Variants in CFAP46 observed in about 807,000 individuals in gnomAD.
CFAP46 encodes cilia and flagella associated protein 46, also known as cilia- and flagella-associated protein 46.
Under a neutral mutation model 325.7 loss-of-function variants are expected in CFAP46, and 245 were observed. The ratio of observed to expected loss-of-function variants is 0.75; its 90% CI spans 0.68 to 0.84. The LOEUF (loss-of-function observed/expected upper bound fraction) is 0.84. Among genes scored for constraint, CFAP46 ranks in the 40% least tolerant of loss-of-function variants. CFAP46 has a pLI of 0.00. For synonymous variants in CFAP46, 1,523 were observed against 1,495.9 expected (o/e 1.02, Z -0.42); for missense variants, 3,346 against 3,543.0 (o/e 0.94, Z 1.41).
At chr10:132,859,787 C>A (rs147013790) in intron 37 of CFAP46, among the ~76,000 whole-genome samples, 1 of 152,228 alleles carries the variant, frequency 6.6e-6, no homozygotes, top group African/African-American at 2.4e-5. Context: ...GGTCTGTAAA[C>A]CAAAGCCAGC....
intron 8 of CFAP46, among the ~76,000 whole-genome samples, chr10:132,931,057 C>G (rs1849891857): frequency 9.0e-6 from 1 of 110,724 alleles, no homozygotes; most frequent in African/African-American, 3.6e-5. Flanking sequence ...CACACAGAGC[C>G]TGGGCCTCCC....
In CFAP46 at chr10:132,844,677, C is replaced by T. The variant is rs573414355; in HGVS notation, c.6438+1380G>A. The stretch of plus-strand genomic sequence containing the variant: ...TCCTGGCCCTGCACTCAGTCCTGCA[C>T]ACACACTGGTGTCCTTGGTCCCCAA... On this transcript the variant is annotated intron_variant, in intron 44 of 57. Coordinates refer to ENST00000368586, the MANE Select transcript of CFAP46 (RefSeq NM_001200049.3). Among the ~76,000 whole-genome samples, 402 of 152,292 alleles carry T rather than the reference C, an allele frequency of 2.6e-3. 1 individual carries two copies. The highest frequency in any genetic ancestry group is 0.01 in the Middle Eastern group (3 of 294).
At chr10:132,913,374 CGGGTGGG>C (rs2135555542) in intron 17 of CFAP46, 116 bp from the exon 18 acceptor site, 13 of 309,808 alleles carry the variant, frequency 4.2e-5, no homozygotes, top group Admixed American at 8.3e-5. Context: ...GTGGGAGGGG[CGGGTGGG>C]CGGCGACCAA....
Position 132,827,923 on chromosome 10 carries a change from A to G in CFAP46, c.7117+5435T>C, listed in dbSNP as rs1283190648. Among the ~76,000 whole-genome samples, 1 of 151,324 alleles carries G rather than the reference A, an allele frequency of 6.6e-6. No individual in the cohort carries two copies. Among genetic ancestry groups the G allele is most frequent in the Non-Finnish European group, 1.5e-5 (1 of 67,926 alleles). ...TCCCTCAGCGTAATCCTTCTGAGTG[A>G]GCCCCGTCACCCCTCGGCGTAATCC... On this transcript the variant is annotated intron_variant, in intron 50 of 57. Transcript: ENST00000368586. The surrounding 1 kb of genome is among the most constrained non-coding windows in gnomAD (Gnocchi z 5.7).
At chr10:132,894,823 T>G (rs1277241464) in intron 24 of CFAP46, among the ~76,000 whole-genome samples, 2 of 152,110 alleles carry the variant, frequency 1.3e-5, no homozygotes, top group Non-Finnish European at 2.9e-5. Flanking sequence ...ATCAAAAGCC[T>G]CTTAATAAAG....
At chr10:132,921,983 G>C in intron 13 of CFAP46, 121 bp downstream of exon 13, 1 of 1,254,514 alleles carries the variant, frequency 8.0e-7, no homozygotes. Context: ...GCCGGTGCAA[G>C]GTCCTTGTGC....
intron 11 of CFAP46, among the ~76,000 whole-genome samples, chr10:132,924,324 C>G (rs562230351): frequency 6.6e-6 from 1 of 152,160 alleles, no homozygotes; most frequent in East Asian, 1.9e-4. Flanking sequence ...ACACACCGTG[C>G]TCCTCCCTGA....
In CFAP46 at chr10:132,922,133, A is replaced by C; in HGVS notation, c.1577T>G (p.Ile526Ser). ...GGCCTCATTCTCACTGTCCAGCACAATCTGAAACGCGTCAGGGGCTAAGGC... is the reference window on the plus strand; with the variant it reads ...GGCCTCATTCTCACTGTCCAGCACACTCTGAAACGCGTCAGGGGCTAAGGC... ...GLALAPDAFQIVLDSENEAKV... is the reference protein window; with the variant it reads ...GLALAPDAFQSVLDSENEAKV... The change falls in exon 13 of 58, where the codon ATT becomes AGT. Residue 526 changes from isoleucine to serine, a missense_variant. Physicochemically the swap from Ile to Ser is moderately radical, Grantham distance 142 (BLOSUM62 -2). Transcript: ENST00000368586. 5 of 1,550,372 alleles carry C rather than the reference A, an allele frequency of 3.2e-6. No individual in the cohort carries two copies. The highest frequency in any genetic ancestry group is 4.4e-6 in the Non-Finnish European group (5 of 1,146,942).
rs562931433 is a variant in CFAP46, at chr10:132,860,627, C to T, written c.5092-104G>A. ...GGACAGATACGGGCCTGAGGACAGG[C>T]GGGGGTAGATACGGGTGTGTCTGAG... is the stretch of plus-strand genomic sequence containing the variant. On this transcript the variant is annotated intron_variant, in intron 36 of 57. Transcript: ENST00000368586. 8 of 1,180,368 alleles carry T rather than the reference C, an allele frequency of 6.8e-6. No individual in the cohort carries two copies. In the East Asian group the frequency reaches 7.7e-5, roughly 11 times the overall value. The allele number at this position is 1,180,368 out of a possible 1,614,324, so 73.1% of individuals were successfully genotyped here. A position where few individuals can be genotyped will look rare whatever the true frequency, so the allele number is the denominator to read the frequency against.
chr10:132,854,730 A>G (rs1334581474), intron 39 of CFAP46, among the ~76,000 whole-genome samples: 1 of 152,172 alleles, frequency 6.6e-6, no homozygotes, highest in Non-Finnish European at 1.5e-5. Flanking sequence ...CACGTTCACA[A>G]CATTGTGCCA....
chr10:132,841,821 C>G (rs969391960), intron 44 of CFAP46, among the ~76,000 whole-genome samples: 1 of 152,214 alleles, frequency 6.6e-6, no homozygotes, highest in African/African-American at 2.4e-5. Context: ...TGGTCCCCAG[C>G]AGGCCCTGGG....
Position 132,828,328 on chromosome 10 carries a change from G to A in CFAP46, c.7117+5030C>T, listed in dbSNP as rs1848093089. 1.3e-5 allele frequency among the ~76,000 whole-genome samples: 2 copies of A among 152,226 alleles called. No individual in the cohort carries two copies. Among genetic ancestry groups the A allele is most frequent in the African/African-American group, 4.8e-5 (2 of 41,460 alleles). On this transcript the variant is annotated intron_variant, in intron 50 of 57. Transcript: ENST00000368586. The surrounding 1 kb of genome is among the most constrained non-coding windows in gnomAD (Gnocchi z 4.9). ...TTCACCATTCCCACCAGCCGAGTAT[G>A]AGGGTTCCGGTTCCACACCCTCCCA...
At chr10:132,870,682 G>A (rs894836214) in intron 32 of CFAP46, among the ~76,000 whole-genome samples, 10 of 152,220 alleles carry the variant, frequency 6.6e-5, no homozygotes, top group Non-Finnish European at 1.2e-4. Flanking sequence ...GCTGGGAGAC[G>A]TGAGGAAGCT....
At chr10:132,903,531 C>G (rs1018889932) in intron 22 of CFAP46, among the ~76,000 whole-genome samples, 8 of 152,224 alleles carry the variant, frequency 5.3e-5, no homozygotes, top group Non-Finnish European at 8.8e-5. Context: ...GTGAAGCTCC[C>G]TTAGGCAGAA....
At chr10:132,895,345 T>C (rs1849304605) in intron 24 of CFAP46, among the ~76,000 whole-genome samples, 1 of 152,184 alleles carries the variant, frequency 6.6e-6, no homozygotes, top group African/African-American at 2.4e-5. Context: ...GACCCACAGC[T>C]CACGTCACAT....
Position 132,822,267 on chromosome 10 carries a change from G to A in CFAP46, c.7118-7353C>T, listed in dbSNP as rs1420644252. Among the ~76,000 whole-genome samples, 17 of 140,806 alleles carry A rather than the reference G, an allele frequency of 1.2e-4. No individual in the cohort carries two copies. In the East Asian group the frequency reaches 3.5e-3, roughly 29 times the overall value. The allele number at this position is 140,806 out of a possible 152,430, so 92.4% of individuals were successfully genotyped here. A position where few individuals can be genotyped will look rare whatever the true frequency, so the allele number is the denominator to read the frequency against. On this transcript the variant is annotated intron_variant, in intron 50 of 57. Coordinates refer to ENST00000368586, the MANE Select transcript of CFAP46 (RefSeq NM_001200049.3). ...GTGTGTGCGCTGATGTGTGCTGTGT[G>A]TGTGCTGTGTGAGTGCTGGTGTGCT...
chr10:132,859,291 G>A (rs1470329887), intron 37 of CFAP46, 44 bp from the exon 38 acceptor site: 7 of 1,509,016 alleles, frequency 4.6e-6, no homozygotes, highest in East Asian at 4.9e-5. Flanking sequence ...AAGCCCCAGG[G>A]CCGCGTCAGG....
At chr10:132,881,102 C>CT (rs1849036422) in intron 27 of CFAP46, 70 bp from the exon 28 acceptor site, 1 of 1,353,382 alleles carries the variant, frequency 7.4e-7, no homozygotes, top group Non-Finnish European at 1.0e-6. Flanking sequence ...CAGTGGAATA[C>CT]TTTTATTGCT....
At chr10:132,879,653 G>A (rs1325716756) in intron 28 of CFAP46, 22 bp from the exon 29 acceptor site, 1 of 1,485,114 alleles carries the variant, frequency 6.7e-7, no homozygotes, top group Non-Finnish European at 9.0e-7. Flanking sequence ...GGTGCCCGAG[G>A]CTGAGAGCAG....
Sources: gnomAD v4.1 joint callset for allele counts (sites outside exome capture counted in the v4.1 genomes callset) on GRCh38, gnomAD v4.1.1 for gene constraint, Gnocchi (gnomAD v3.1) non-coding constraint, MANE v1.5 for transcripts, NCBI Gene and HGNC (gene_info 2026-07-23, HGNC 2026-07-21) for gene names.